The following NELL1 variants were observed in gnomAD, a reference collection of about 807,000 sequenced individuals.
NELL1 encodes the protein neural EGFL like 1.
Under a neutral mutation model 107.4 loss-of-function variants are expected in NELL1, and 76 were observed. That is an observed-to-expected ratio of 0.71 (90% CI 0.59 to 0.86). NELL1 has a LOEUF of 0.86. NELL1 is among the 40% of genes least tolerant of loss of function. NELL1 has a pLI of 0.00. For synonymous variants in NELL1, 353 were observed against 341.2 expected, an observed-to-expected ratio of 1.03 and a Z score of -0.38; for missense variants, 1,024 against 1,005.5, an observed-to-expected ratio of 1.02 and a Z score of -0.25.
intron 5 of NELL1, among the ~76,000 whole-genome samples, chr11:20,904,870 C>T (rs1849959103): frequency 6.6e-6 from 1 of 151,558 alleles, no homozygotes; most frequent in African/African-American, 2.4e-5. Flanking sequence ...ATTCTGTTGC[C>T]CAAGCTGGAG....
chr11:20,838,232 C>T (rs546312630), intron 3 of NELL1, among the ~76,000 whole-genome samples: 9 of 150,634 alleles, frequency 6.0e-5, no homozygotes, highest in African/African-American at 2.2e-4. Flanking sequence ...TACCAAATAT[C>T]TGGCCAGTAC....
At chr11:21,330,622 A>C (rs1267552325) in intron 14 of NELL1, among the ~76,000 whole-genome samples, 5 of 151,964 alleles carry the variant, frequency 3.3e-5, no homozygotes, top group African/African-American at 4.8e-5. Flanking sequence ...TATGTATAAT[A>C]AGTCATTTTT....
intron 12 of NELL1, among the ~76,000 whole-genome samples, chr11:21,067,101 T>C (rs1164802568): frequency 6.6e-6 from 1 of 152,228 alleles, no homozygotes. Flanking sequence ...TATTTCTTTT[T>C]ACCTTTTCTC....
At chr11:20,989,991 C>T (rs774213745) in intron 12 of NELL1, among the ~76,000 whole-genome samples, 18 of 138,562 alleles carry the variant, frequency 1.3e-4, no homozygotes, top group South Asian at 4.7e-4. Flanking sequence ...AGTGAGACTC[C>T]GTCTCAAAAA....
At chr11:21,089,525 G>A (rs12804032) in intron 12 of NELL1, among the ~76,000 whole-genome samples, 6,095 of 152,166 alleles carry the variant, frequency 0.04, 181 homozygotes, top group Middle Eastern at 0.088. Flanking sequence ...ATATTTGTAC[G>A]GCTAACTATA....
At chr11:21,512,331 T>G (rs1223136624) in intron 15 of NELL1, among the ~76,000 whole-genome samples, 1 of 152,084 alleles carries the variant, frequency 6.6e-6, no homozygotes, top group Non-Finnish European at 1.5e-5. Flanking sequence ...CAAGACAGAG[T>G]ATGAGACTAA....
intron 14 of NELL1, among the ~76,000 whole-genome samples, chr11:21,272,000 G>GC (rs34771294): frequency 0.025 from 3,865 of 152,312 alleles, 78 homozygotes; most frequent in East Asian, 0.062. Context: ...GGTGATTTCT[G>GC]CATTTCCAAC....
At chr11:21,321,573 C>T (rs1475093520) in intron 14 of NELL1, among the ~76,000 whole-genome samples, 1 of 152,172 alleles carries the variant, frequency 6.6e-6, no homozygotes, top group Non-Finnish European at 1.5e-5. Context: ...ATAACAGACA[C>T]TGATATTTGC....
In NELL1 at chr11:21,142,780, C is replaced by A. The variant is rs10500892; in HGVS notation, c.1426+29066C>A. On this transcript the variant is annotated intron_variant, in intron 13 of 19. Coordinates refer to ENST00000357134, the MANE Select transcript of NELL1 (RefSeq NM_006157.5). ...TCCTCTGTTGCCTCCGTCTTCTCAT[C>A]TGCAAAAGGACACAATGATCAAAGC... Among the ~76,000 whole-genome samples, 18 of 152,210 alleles carry A rather than the reference C, an allele frequency of 1.2e-4. No individual in the cohort carries two copies. In the East Asian group the frequency reaches 3.5e-3, roughly 29 times the overall value.
chr11:20,978,782 G>A (rs1408594299), intron 12 of NELL1, among the ~76,000 whole-genome samples: 3 of 152,146 alleles, frequency 2.0e-5, no homozygotes, highest in Admixed American at 6.5e-5. Context: ...AGATGCAGGA[G>A]TCCTCTCCCT....
At chr11:21,231,604 A>G (rs1858052203) in intron 14 of NELL1, among the ~76,000 whole-genome samples, 1 of 152,216 alleles carries the variant, frequency 6.6e-6, no homozygotes, top group South Asian at 2.1e-4. Context: ...ACCTCATAAA[A>G]TAATATTAAT....
At chr11:21,523,883 ATG>A (rs143630794) in intron 15 of NELL1, among the ~76,000 whole-genome samples, 1,823 of 151,532 alleles carry the variant, frequency 0.012, 38 homozygotes, top group East Asian at 0.073. Context: ...CTTTTTTCAT[ATG>A]TGTGTGTGTG....
intron 15 of NELL1, among the ~76,000 whole-genome samples, chr11:21,451,212 A>AT (rs1391567687): frequency 6.6e-6 from 1 of 151,514 alleles, no homozygotes; most frequent in Non-Finnish European, 1.5e-5. Context: ...AGAAAAAAAA[A>AT]AGAAAAAAGA....
At chr11:20,941,249 G>C (rs892784537) in intron 10 of NELL1, among the ~76,000 whole-genome samples, 3 of 152,218 alleles carry the variant, frequency 2.0e-5, no homozygotes, top group Admixed American at 6.5e-5. Context: ...TTAGGAATCA[G>C]AGAATTCCTT....
At position 21,124,691 on chromosome 11, in the gene NELL1, T is replaced by C. The variant is rs552376408; in HGVS notation, c.1426+10977T>C. On this transcript the variant is annotated intron_variant, in intron 13 of 19. Transcript: ENST00000357134. ...ATCTCGGCTCACTGCAACCTCCACC[T>C]TCCGGGTTCAAGCGATTCTCCTGCC... Among the ~76,000 whole-genome samples the C allele has an allele frequency of 2.6e-5, 4 of 151,368 alleles. No individual in the cohort carries two copies. In the South Asian group the frequency reaches 8.4e-4, roughly 32 times the overall value.
intron 11 of NELL1, among the ~76,000 whole-genome samples, chr11:20,948,875 T>A (rs969558598): frequency 2.1e-4 from 32 of 152,050 alleles, no homozygotes; most frequent in African/African-American, 6.8e-4. Context: ...ATCCTTTTAA[T>A]CTGAGCTTTG....
intron 15 of NELL1, among the ~76,000 whole-genome samples, chr11:21,520,633 T>C (rs1358133224): frequency 6.6e-6 from 1 of 152,146 alleles, no homozygotes. Context: ...TGTGAGCCAA[T>C]ATGTTTCTTT....
At chr11:21,396,304 C>T (rs1313816260) in intron 15 of NELL1, among the ~76,000 whole-genome samples, 1 of 151,574 alleles carries the variant, frequency 6.6e-6, no homozygotes, top group Non-Finnish European at 1.5e-5. Context: ...TTTCTTAATT[C>T]ATTCACATAT....
At chr11:21,118,269 A>G (rs1427385961) in intron 13 of NELL1, among the ~76,000 whole-genome samples, 1 of 152,046 alleles carries the variant, frequency 6.6e-6, no homozygotes, top group Non-Finnish European at 1.5e-5. Context: ...TGCAATGACT[A>G]TACTATGTTA....
Sources: allele counts gnomAD v4.1 joint callset (sites outside exome capture counted in the v4.1 genomes callset), GRCh38; gene constraint gnomAD v4.1.1; transcripts MANE v1.5; gene names NCBI Gene and HGNC (gene_info 2026-07-23, HGNC 2026-07-21).